The following INPP4B variants were observed in gnomAD, a reference collection of about 807,000 sequenced individuals.
The protein encoded by INPP4B is inositol polyphosphate 4-phosphatase type II.
Under a neutral mutation model 122.5 loss-of-function variants are expected in INPP4B, and 55 were observed. The observed-to-expected ratio is 0.45, with a 90% CI of 0.36 to 0.56. The LOEUF (loss-of-function observed/expected upper bound fraction) is 0.56, where lower values mean the gene tolerates loss of function less well. INPP4B is among the 20% of genes least tolerant of loss of function. INPP4B has a pLI of 0.00. For missense variants in INPP4B, 1,000 were observed against 1,097.7 expected (o/e 0.91, Z 1.26); for synonymous variants, 403 against 388.7 (o/e 1.04, Z -0.43).
chr4:142,428,491 T>C (rs1808594397), intron 5 of INPP4B, among the ~76,000 whole-genome samples: 1 of 151,870 alleles, frequency 6.6e-6, no homozygotes, highest in South Asian at 2.1e-4. Flanking sequence ...CATTTTTACT[T>C]TAAGTACCTC....
intron 1 of INPP4B, among the ~76,000 whole-genome samples, chr4:142,813,897 A>G (rs1779810611): frequency 6.6e-6 from 1 of 152,178 alleles, no homozygotes; most frequent in Non-Finnish European, 1.5e-5. Flanking sequence ...TTTAAAAGTC[A>G]TGATACTAGT....
chr4:142,226,016 C>G (rs906446455), intron 12 of INPP4B, among the ~76,000 whole-genome samples: 2 of 152,092 alleles, frequency 1.3e-5, no homozygotes, highest in African/African-American at 4.8e-5. Context: ...TATCTAGTAA[C>G]TAACATATTT....
At position 142,237,850 on chromosome 4, in the gene INPP4B, T is replaced by C; in HGVS notation, c.836+14A>G. 1.4e-6 allele frequency: 2 copies of C among 1,443,258 alleles called. No individual in the cohort carries two copies. The highest frequency in any genetic ancestry group is 1.9e-6 in the Non-Finnish European group (2 of 1,053,276). 89.4% of individuals were successfully genotyped at this position (1,443,258 alleles called of 1,614,324 possible). ...AAATAATTAATATGAGAGAAAATAGTTATTTTCTCTTACCTGCACAAATCT... is the reference window on the plus strand; with the variant it reads ...AAATAATTAATATGAGAGAAAATAGCTATTTTCTCTTACCTGCACAAATCT... On this transcript the variant is annotated intron_variant, in intron 12 of 25. Transcript: ENST00000262992.
At chr4:142,172,615 T>C (rs1826143283) in intron 16 of INPP4B, among the ~76,000 whole-genome samples, 1 of 151,740 alleles carries the variant, frequency 6.6e-6, no homozygotes, top group Non-Finnish European at 1.5e-5. Context: ...TTCATGAAAA[T>C]AGGTATGTTT....
intron 2 of INPP4B, among the ~76,000 whole-genome samples, chr4:142,632,072 G>A (rs561530016): frequency 5.9e-5 from 9 of 152,212 alleles, no homozygotes; most frequent in East Asian, 5.8e-4. Context: ...TGCTATGTGC[G>A]TCATAGCCTA....
chr4:142,773,999 G>T (rs1269907195), intron 1 of INPP4B, among the ~76,000 whole-genome samples: 1 of 152,042 alleles, frequency 6.6e-6, no homozygotes, highest in Non-Finnish European at 1.5e-5. Flanking sequence ...TAAAACCATG[G>T]TGGGTTTTAT....
intron 2 of INPP4B, among the ~76,000 whole-genome samples, chr4:142,507,030 T>C (rs1824114685): frequency 6.6e-6 from 1 of 152,200 alleles, no homozygotes; most frequent in Admixed American, 6.5e-5. Flanking sequence ...TTGTTCTCTT[T>C]TGAAATTCTT....
At chr4:142,515,439 C>T (rs10017659) in intron 2 of INPP4B, among the ~76,000 whole-genome samples, 5,607 of 151,900 alleles carry the variant, frequency 0.037, 224 homozygotes, top group African/African-American at 0.082. Flanking sequence ...CATTAAATGC[C>T]TTTTTTTTCA....
chr4:142,068,000 G>A (rs546813250), intron 25 of INPP4B, among the ~76,000 whole-genome samples: 12 of 152,166 alleles, frequency 7.9e-5, no homozygotes, highest in Admixed American at 1.3e-4. Context: ...GATACTCCTC[G>A]AGAAGAGCAA....
intron 18 of INPP4B, among the ~76,000 whole-genome samples, chr4:142,134,797 CAAAAAAAAAAAAAAA>C (rs58297348): frequency 9.7e-5 from 5 of 51,298 alleles, no homozygotes; most frequent in Non-Finnish European, 2.2e-4. Flanking sequence ...AACTCTGTCT[CAAAAAAAAAAAAAAA>C]AAAAAAAAAA....
intron 2 of INPP4B, among the ~76,000 whole-genome samples, chr4:142,723,795 C>T (rs1368350061): frequency 6.6e-6 from 1 of 152,088 alleles, no homozygotes; most frequent in South Asian, 2.1e-4. Flanking sequence ...TGCACATATT[C>T]CATCTGAGAT....
rs1416462199 is a variant in INPP4B at position 142,286,386 on chromosome 4, T to C, written c.504-15612A>G. Among the ~76,000 whole-genome samples the C allele has an allele frequency of 4.6e-5, 7 of 152,336 alleles. No homozygotes were observed. In the East Asian group the frequency reaches 1.3e-3, roughly 29 times the overall value. ...AGAATATATTTTGGTATTTGGCAGA[T>C]AGAGGTTCTAATAGGAAGTAGAAAG... On this transcript the variant is annotated intron_variant, in intron 9 of 25. Coordinates refer to ENST00000262992, the MANE Select transcript of INPP4B (RefSeq NM_001101669.3).
intron 23 of INPP4B, among the ~76,000 whole-genome samples, chr4:142,100,561 ATC>A (rs754963726): frequency 0.89 from 134,890 of 151,854 alleles, 61,650 homozygotes; most frequent in Non-Finnish European, 0.99. Flanking sequence ...GTCTGGGGCC[ATC>A]TGAATACTGC....
intron 2 of INPP4B, among the ~76,000 whole-genome samples, chr4:142,498,120 TAC>T (rs146304077): frequency 2.0e-5 from 3 of 149,382 alleles, no homozygotes; most frequent in Admixed American, 6.7e-5. Flanking sequence ...TATATATATA[TAC>T]ACACACACAT....
chr4:142,513,644 G>T (rs774384558), intron 2 of INPP4B, among the ~76,000 whole-genome samples: 2 of 152,180 alleles, frequency 1.3e-5, no homozygotes, highest in African/African-American at 4.8e-5. Context: ...CTGACCTCAG[G>T]TGATCCACTT....
intron 9 of INPP4B, among the ~76,000 whole-genome samples, chr4:142,303,962 T>C (rs1762445845): frequency 6.6e-6 from 1 of 152,170 alleles, no homozygotes; most frequent in African/African-American, 2.4e-5. Flanking sequence ...TCCCCTGATT[T>C]CTGTTTCAAA....
chr4:142,048,372 A>T (rs958553598), intron 25 of INPP4B, among the ~76,000 whole-genome samples: 5 of 152,244 alleles, frequency 3.3e-5, no homozygotes, highest in African/African-American at 1.2e-4. Flanking sequence ...TCTGTAAATG[A>T]AATATATGTT....
intron 25 of INPP4B, among the ~76,000 whole-genome samples, chr4:142,032,436 G>A (rs1176416159): frequency 6.6e-6 from 1 of 152,068 alleles, no homozygotes; most frequent in Non-Finnish European, 1.5e-5. Context: ...TCCCCTATAA[G>A]AACCCCCCAA....
chr4:142,614,837 T>A (rs1743354070), intron 2 of INPP4B, among the ~76,000 whole-genome samples: 1 of 152,012 alleles, frequency 6.6e-6, no homozygotes, highest in Non-Finnish European at 1.5e-5. Flanking sequence ...AAAACCACAA[T>A]GAGATACCAT....
Sources: gnomAD v4.1 joint callset for allele counts (sites outside exome capture counted in the v4.1 genomes callset) on GRCh38, gnomAD v4.1.1 for gene constraint, MANE v1.5 for transcripts, NCBI Gene and HGNC (gene_info 2026-07-23, HGNC 2026-07-21) for gene names.